ATXN1: variants seen among roughly 807,000 people sequenced by gnomAD.
ATXN1 encodes ataxin-1.
In ATXN1, 8 loss-of-function variants were observed where a neutral mutation model predicts 56.4. The observed-to-expected ratio is 0.14, with a 90% confidence interval of 0.08 to 0.26. The LOEUF (loss-of-function observed/expected upper bound fraction) is 0.26. Among genes scored for constraint, ATXN1 ranks in the 10% least tolerant of loss-of-function variants. The pLI is 1.00. For missense variants in ATXN1, 987 were observed against 1,106.5 expected, an observed-to-expected ratio of 0.89 and a Z score of 1.53; for synonymous variants, 514 against 494.6, an observed-to-expected ratio of 1.04 and a Z score of -0.52.
intron 6 of ATXN1, among the ~76,000 whole-genome samples, chr6:16,455,608 C>G (rs1289424282): frequency 6.6e-6 from 1 of 152,194 alleles, no homozygotes; most frequent in Non-Finnish European, 1.5e-5. Context: ...ACACAAAAAC[C>G]TGCACTCAAA....
intron 4 of ATXN1, among the ~76,000 whole-genome samples, chr6:16,526,279 G>A (rs1170664739): frequency 6.6e-6 from 1 of 151,994 alleles, no homozygotes; most frequent in Non-Finnish European, 1.5e-5. Context: ...AGTGTCCCAA[G>A]TTTATAAGAA....
At chr6:16,409,295 TA>T (rs367909909) in intron 6 of ATXN1, among the ~76,000 whole-genome samples, 54 of 143,156 alleles carry the variant, frequency 3.8e-4, no homozygotes, top group Admixed American at 1.2e-3. Context: ...TTTATGAAAC[TA>T]AAAAAAAAAA....
At chr6:16,642,575 TA>T (rs1763724949) in intron 3 of ATXN1, among the ~76,000 whole-genome samples, 1 of 152,190 alleles carries the variant, frequency 6.6e-6, no homozygotes, top group African/African-American at 2.4e-5. Context: ...CTACTATGGG[TA>T]AAATGCTCTC....
intron 2 of ATXN1, among the ~76,000 whole-genome samples, chr6:16,704,957 T>C (rs1759375254): frequency 6.6e-6 from 1 of 152,210 alleles, no homozygotes; most frequent in Non-Finnish European, 1.5e-5. Flanking sequence ...ACTGTAGCCC[T>C]ACACCAGTGC....
At chr6:16,680,755 C>A (rs1758796619) in intron 2 of ATXN1, among the ~76,000 whole-genome samples, 1 of 152,162 alleles carries the variant, frequency 6.6e-6, no homozygotes, top group Non-Finnish European at 1.5e-5. Flanking sequence ...GAAGTATGAC[C>A]ATCAATACGG....
At chr6:16,595,411 A>T (rs2113775040) in intron 3 of ATXN1, among the ~76,000 whole-genome samples, 1 of 152,350 alleles carries the variant, frequency 6.6e-6, no homozygotes, top group African/African-American at 2.4e-5. Flanking sequence ...CTGTCTGGGC[A>T]TGAGTACAGA....
At chr6:16,344,642 C>G (rs543415094) in intron 6 of ATXN1, among the ~76,000 whole-genome samples, 1 of 152,352 alleles carries the variant, frequency 6.6e-6, no homozygotes, top group African/African-American at 2.4e-5. Flanking sequence ...CCTTTGGCCA[C>G]AGGCTGAAGG....
chr6:16,474,241 T>C (rs944304018), intron 6 of ATXN1, among the ~76,000 whole-genome samples: 3 of 152,248 alleles, frequency 2.0e-5, no homozygotes, highest in African/African-American at 7.2e-5. Flanking sequence ...TTAAGTAATT[T>C]GCTTTGGTTA....
intron 4 of ATXN1, among the ~76,000 whole-genome samples, chr6:16,543,814 T>C (rs1300276783): frequency 2.6e-5 from 4 of 152,132 alleles, no homozygotes; most frequent in Non-Finnish European, 5.9e-5. Flanking sequence ...TGACTTCCCA[T>C]AGGGTCACTA....
At chr6:16,726,326 A>G (rs1382638684) in intron 2 of ATXN1, among the ~76,000 whole-genome samples, 2 of 146,730 alleles carry the variant, frequency 1.4e-5, no homozygotes, top group Non-Finnish European at 3.0e-5. Context: ...GGCTGCAGTG[A>G]GTCAAGATTG....
At chr6:16,658,289 G>A (rs766112494) in intron 2 of ATXN1, among the ~76,000 whole-genome samples, 1 of 152,200 alleles carries the variant, frequency 6.6e-6, no homozygotes, top group African/African-American at 2.4e-5. Context: ...GGCAGAAAGT[G>A]AAGAAAGTTT....
rs568290584 is a variant in ATXN1 at position 16,571,148 on chromosome 6, G to A, written c.-361+14632C>T. On this transcript the variant is annotated intron_variant, in intron 4 of 7. Transcript: ENST00000436367. ...TCAGCATGTGACTCCCACTTCTGCT[G>A]CTAAAAAAACAAGACAGCTATTGTA... Among the ~76,000 whole-genome samples the A allele has an allele frequency of 1.9e-3, 294 of 152,222 alleles. 1 individual carries two copies. Among genetic ancestry groups the A allele is most frequent in the African/African-American group, 6.5e-3 (268 of 41,534 alleles).
At chr6:16,552,966 AG>A (rs1425772722) in intron 4 of ATXN1, among the ~76,000 whole-genome samples, 1 of 152,214 alleles carries the variant, frequency 6.6e-6, no homozygotes, top group Non-Finnish European at 1.5e-5. Flanking sequence ...AGAGAACCAA[AG>A]GGCTTCGACT....
chr6:16,329,535 T>C (rs771343125), intron 6 of ATXN1, among the ~76,000 whole-genome samples: 1 of 152,152 alleles, frequency 6.6e-6, no homozygotes, highest in Non-Finnish European at 1.5e-5. Flanking sequence ...AAAACCGAAT[T>C]TGATTATGGT....
chr6:16,686,247 AC>A (rs1758915125), intron 2 of ATXN1, among the ~76,000 whole-genome samples: 2 of 152,196 alleles, frequency 1.3e-5, no homozygotes, highest in South Asian at 4.1e-4. Flanking sequence ...AAATTTTAAA[AC>A]CATATCAGAT....
At chr6:16,702,305 C>G (rs927396349) in intron 2 of ATXN1, among the ~76,000 whole-genome samples, 5 of 152,166 alleles carry the variant, frequency 3.3e-5, no homozygotes, top group African/African-American at 9.7e-5. Context: ...AAACTGAACC[C>G]CTTCCTTACA....
intron 5 of ATXN1, among the ~76,000 whole-genome samples, chr6:16,495,853 A>ACT (rs36019158): frequency 3.6e-4 from 53 of 146,458 alleles, no homozygotes; most frequent in East Asian, 9.9e-4. Context: ...ACAGAGTGAG[A>ACT]CTCTCTCTCT....
At chr6:16,536,668 C>T (rs1202670916) in intron 4 of ATXN1, among the ~76,000 whole-genome samples, 1 of 152,166 alleles carries the variant, frequency 6.6e-6, no homozygotes, top group Non-Finnish European at 1.5e-5. Flanking sequence ...AACTGCCCCC[C>T]TTAGCAGTGA....
intron 2 of ATXN1, among the ~76,000 whole-genome samples, chr6:16,694,341 G>A (rs922911357): frequency 2.7e-5 from 4 of 146,466 alleles, no homozygotes; most frequent in African/African-American, 7.5e-5. Flanking sequence ...AAGCTCCGCC[G>A]CCTCCTGGTT....
Sources: allele counts gnomAD v4.1 joint callset (sites outside exome capture counted in the v4.1 genomes callset), GRCh38; gene constraint gnomAD v4.1.1; transcripts MANE v1.5; gene names NCBI Gene and HGNC (gene_info 2026-07-23, HGNC 2026-07-21).